Variants in TXNDC11 observed in about 807,000 individuals in gnomAD.
TXNDC11 encodes thioredoxin domain containing 11.
In TXNDC11, 68 loss-of-function variants were observed where a neutral mutation model predicts 78.0. That is an observed-to-expected ratio of 0.87 (90% confidence interval 0.72 to 1.07). The LOEUF is 1.07. TXNDC11 is among the 50% of genes least tolerant of loss of function. The pLI is 0.00. For synonymous variants in TXNDC11, 571 were observed against 495.2 expected (o/e 1.15, Z -2.03); for missense variants, 1,389 against 1,221.8 (o/e 1.14, Z -2.04).
Position 11,742,759 on chromosome 16 carries a change from C to T in TXNDC11, c.-29G>A. ...ATGCTCCCAGTCGCCGGCTTTATAC[C>T]GCCGCCGCCGCCTCGGGCCCGAAGG... On this transcript the variant is annotated 5_prime_UTR_variant, in exon 1 of 12. Coordinates refer to ENST00000283033, the MANE Select transcript of TXNDC11 (RefSeq NM_015914.7). 1.4e-6 allele frequency: 2 copies of T among 1,425,130 alleles called. No homozygotes were observed. Among genetic ancestry groups the T allele is most frequent in the Non-Finnish European group, 1.8e-6 (2 of 1,096,886 alleles). 88.3% of individuals were successfully genotyped at this position (1,425,130 alleles called of 1,614,324 possible).
chr16:11,709,225 T>C (rs1462898061), intron 5 of TXNDC11, among the ~76,000 whole-genome samples: 1 of 151,166 alleles, frequency 6.6e-6, no homozygotes, highest in African/African-American at 2.4e-5. Flanking sequence ...GCCAAGATAT[T>C]ACTAAACTAA....
intron 11 of TXNDC11, among the ~76,000 whole-genome samples, chr16:11,681,584 A>G (rs1239781088): frequency 1.3e-5 from 2 of 152,130 alleles, no homozygotes; most frequent in African/African-American, 4.8e-5. Context: ...TCTAACCCTG[A>G]GGGAGTGGCA....
At chr16:11,735,954 G>A (rs1192642847) in intron 2 of TXNDC11, 63 bp downstream of exon 2, 3 of 1,526,708 alleles carry the variant, frequency 2.0e-6, no homozygotes, top group Non-Finnish European at 2.7e-6. Context: ...TCTCTGTGGG[G>A]ACATCCTGCC....
At chr16:11,698,742 G>C (rs1236204967) in intron 6 of TXNDC11, among the ~76,000 whole-genome samples, 1 of 152,154 alleles carries the variant, frequency 6.6e-6, no homozygotes, top group Non-Finnish European at 1.5e-5. Context: ...TTTTGACCTT[G>C]GTCCTTCAAA....
At chr16:11,699,395 A>C (rs2050946608) in intron 6 of TXNDC11, among the ~76,000 whole-genome samples, 1 of 152,254 alleles carries the variant, frequency 6.6e-6, no homozygotes, top group Non-Finnish European at 1.5e-5. Flanking sequence ...GACAGATAGC[A>C]AAAGCAGATG....
At chr16:11,681,552 C>A (rs2050425581) in intron 11 of TXNDC11, among the ~76,000 whole-genome samples, 2 of 152,180 alleles carry the variant, frequency 1.3e-5, no homozygotes, top group Non-Finnish European at 2.9e-5. Flanking sequence ...GGGAAGAGGT[C>A]CCCATGTCTA....
chr16:11,683,546 C>T (rs2050486662), intron 11 of TXNDC11, among the ~76,000 whole-genome samples: 2 of 148,338 alleles, frequency 1.3e-5, no homozygotes, highest in African/African-American at 4.9e-5. Flanking sequence ...ACAAACATTG[C>T]ACCACTGCAC....
chr16:11,680,154 T>C lies in TXNDC11; in HGVS notation c.2235-317A>G, dbSNP rs550688023. The stretch of plus-strand genomic sequence containing the variant: ...CCAGTGATGCAGGGCCCCAGGAGTG[T>C]GTAGGCATGGGGCCTCTGTGTGCTC... On this transcript the variant is annotated intron_variant, in intron 11 of 11. Transcript: ENST00000283033. Among the ~76,000 whole-genome samples the C allele has an allele frequency of 2.0e-5, 3 of 152,296 alleles. No individual in the cohort carries two copies. The East Asian group carries it at 5.8e-4, about 29-fold the overall frequency.
intron 5 of TXNDC11, among the ~76,000 whole-genome samples, chr16:11,718,525 C>T (rs1172379027): frequency 1.3e-5 from 2 of 151,998 alleles, no homozygotes; most frequent in Non-Finnish European, 2.9e-5. Context: ...TCTCCTACCT[C>T]TTACTGCACA....
intron 5 of TXNDC11, among the ~76,000 whole-genome samples, chr16:11,702,092 G>GTATATATATATATATATATA (rs35673646): frequency 6.9e-6 from 1 of 144,334 alleles, no homozygotes; most frequent in African/African-American, 2.6e-5. Context: ...GTATGTATGT[G>GTATATATATATATATATATA]TATATATATA....
At chr16:11,684,937 C>T (rs948407164) in intron 10 of TXNDC11, among the ~76,000 whole-genome samples, 1 of 152,260 alleles carries the variant, frequency 6.6e-6, no homozygotes, top group Admixed American at 6.5e-5. Flanking sequence ...TATTCATAAA[C>T]AGTGCACACA....
Position 11,679,260 on chromosome 16 carries a change from G to A in TXNDC11, c.2812C>T (p.Pro938Ser). The change falls in exon 12 of 12, where the codon CCT becomes TCT. Residue 938 changes from proline to serine, a missense_variant. Coordinates refer to ENST00000283033, the MANE Select transcript of TXNDC11 (RefSeq NM_015914.7). The surrounding 1 kb of genome is among the most constrained non-coding windows in gnomAD (Gnocchi z 4.6). ...GTGGCGCTGACATTGGCAGGTGGAG[G>A]GGAGCTGCCAGGGAGCTGGGGGGTG... is the stretch of plus-strand genomic sequence containing the variant. ...SATPQLPGSS[P>S]PPANVSATLV... is the part of the protein sequence containing the mutation. 2 of 1,613,188 alleles carry A rather than the reference G, an allele frequency of 1.2e-6. No homozygotes were observed. Among genetic ancestry groups the A allele is most frequent in the Non-Finnish European group, 1.7e-6 (2 of 1,180,008 alleles).
intron 3 of TXNDC11, among the ~76,000 whole-genome samples, chr16:11,732,155 C>T (rs936149762): frequency 4.6e-5 from 7 of 152,234 alleles, no homozygotes; most frequent in Admixed American, 1.3e-4. Flanking sequence ...GAAGGTTGGA[C>T]ACATTTCTAA....
chr16:11,689,266 CT>C (rs952386857), intron 8 of TXNDC11, among the ~76,000 whole-genome samples: 2 of 151,944 alleles, frequency 1.3e-5, no homozygotes, highest in Admixed American at 1.3e-4. Flanking sequence ...AGTTTCAGTT[CT>C]TTTTCTTTCT....
chr16:11,688,699 ATTC>A, intron 8 of TXNDC11: 1 of 308,502 alleles, frequency 3.2e-6, no homozygotes. Context: ...TTCATAGACT[ATTC>A]TTTTTTTAAA....
chr16:11,692,062 C>T lies in TXNDC11; in HGVS notation c.1128G>A (p.Glu376=). 6.5e-7 allele frequency: 1 copy of T among 1,526,892 alleles called. No homozygotes were observed. The highest frequency in any genetic ancestry group is 1.3e-5 in the South Asian group (1 of 76,100). 94.6% of individuals were successfully genotyped at this position (1,526,892 alleles called of 1,614,324 possible). ...CCTGGTCCCCATGACAGTTGTTGTA[C>T]TCCAAGGCCACTTCGGTGATCTGAA... The part of the protein sequence containing the change: ...LIDEITEVAL[E]YNNCHGDQVV... The change falls in exon 8 of 12, where the codon GAG becomes GAA. Residue 376 remains glutamate (E), a synonymous_variant. Transcript: ENST00000283033.
intron 5 of TXNDC11, among the ~76,000 whole-genome samples, chr16:11,714,432 G>A (rs1431874965): frequency 6.6e-6 from 1 of 152,190 alleles, no homozygotes; most frequent in Non-Finnish European, 1.5e-5. Context: ...CGAGGTCGGG[G>A]ATCAAGACGA....
intron 11 of TXNDC11, among the ~76,000 whole-genome samples, chr16:11,681,543 G>T (rs2050425391): frequency 6.6e-6 from 1 of 152,180 alleles, no homozygotes; most frequent in Admixed American, 6.5e-5. Flanking sequence ...AACTATGGTG[G>T]GAAGAGGTCC....
intron 7 of TXNDC11, 42 bp from the exon 8 acceptor site, chr16:11,692,124 T>C (rs774426206): frequency 6.8e-7 from 1 of 1,466,490 alleles, no homozygotes; most frequent in Non-Finnish European, 9.2e-7. Context: ...TGGGGATGAC[T>C]GAGGGACTAG....
Sources: allele counts gnomAD v4.1 joint callset (sites outside exome capture counted in the v4.1 genomes callset), GRCh38; gene constraint gnomAD v4.1.1; non-coding constraint Gnocchi (gnomAD v3.1); transcripts MANE v1.5; gene names NCBI Gene and HGNC (gene_info 2026-07-23, HGNC 2026-07-21).